Variants in ST6GALNAC5 observed in about 807,000 individuals in gnomAD.
ST6GALNAC5 encodes alpha-N-acetylgalactosaminide alpha-2,6-sialyltransferase 5.
ST6GALNAC5 carries 27 observed loss-of-function variants against 33.6 expected under a neutral mutation model. The ratio of observed to expected loss-of-function variants is 0.80; its 90% CI spans 0.59 to 1.11. ST6GALNAC5 has a LOEUF of 1.11. ST6GALNAC5 is among the 50% of genes least tolerant of loss of function. The pLI is 0.00. For synonymous variants in ST6GALNAC5, 194 were observed against 171.2 expected, an observed-to-expected ratio of 1.13 and a Z score of -1.04; for missense variants, 428 against 454.0, an observed-to-expected ratio of 0.94 and a Z score of 0.52.
At chr1:76,908,953 C>T (rs776461188) in intron 2 of ST6GALNAC5, among the ~76,000 whole-genome samples, 2 of 152,072 alleles carry the variant, frequency 1.3e-5, no homozygotes, top group Non-Finnish European at 1.5e-5. Flanking sequence ...AGTTTTATTT[C>T]CTAAGGAATT....
chr1:76,951,112 C>A (rs747470763), intron 2 of ST6GALNAC5, among the ~76,000 whole-genome samples: 5 of 152,070 alleles, frequency 3.3e-5, no homozygotes, highest in Middle Eastern at 3.2e-3. Context: ...CCTGTAAAGT[C>A]AACAGGGTTT....
chr1:76,995,200 C>A (rs1324108534), intron 2 of ST6GALNAC5, among the ~76,000 whole-genome samples: 3 of 152,100 alleles, frequency 2.0e-5, no homozygotes, highest in Non-Finnish European at 4.4e-5. Flanking sequence ...GAGTTCAAGA[C>A]CAGCTTGGGC....
chr1:76,971,947 TC>T (rs1648775294), intron 2 of ST6GALNAC5, among the ~76,000 whole-genome samples: 1 of 152,184 alleles, frequency 6.6e-6, no homozygotes, highest in African/African-American at 2.4e-5. Flanking sequence ...CCAGTTTCCA[TC>T]CCTCTCAACA....
intron 3 of ST6GALNAC5, among the ~76,000 whole-genome samples, chr1:77,048,053 G>T (rs1652075056): frequency 6.6e-6 from 1 of 152,168 alleles, no homozygotes; most frequent in South Asian, 2.1e-4. Flanking sequence ...GAAGTCTGGG[G>T]AATTTTAAGT....
At chr1:76,898,764 G>A (rs755437910) in intron 2 of ST6GALNAC5, among the ~76,000 whole-genome samples, 25 of 152,154 alleles carry the variant, frequency 1.6e-4, no homozygotes, top group Admixed American at 4.6e-4. Context: ...ACTGTAAACC[G>A]GACTGGGTGT....
chr1:77,055,699 C>G (rs1652373046), intron 4 of ST6GALNAC5, among the ~76,000 whole-genome samples: 6 of 152,278 alleles, frequency 3.9e-5, no homozygotes, highest in Admixed American at 3.9e-4. Context: ...TGAGTCAGAC[C>G]TACTGGGCCC....
intron 2 of ST6GALNAC5, among the ~76,000 whole-genome samples, chr1:77,015,495 G>T (rs1051301870): frequency 2.6e-5 from 4 of 152,166 alleles, no homozygotes; most frequent in Non-Finnish European, 4.4e-5. Context: ...AGGGCTCACA[G>T]TCCACCCATA....
chr1:76,949,208 G>T (rs1647645763), intron 2 of ST6GALNAC5, among the ~76,000 whole-genome samples: 1 of 152,124 alleles, frequency 6.6e-6, no homozygotes, highest in Admixed American at 6.5e-5. Flanking sequence ...ATACATTAAA[G>T]ACCAAAGCTT....
At chr1:77,060,797 T>C (rs199720) in intron 4 of ST6GALNAC5, among the ~76,000 whole-genome samples, 58,347 of 151,888 alleles carry the variant, frequency 0.38, 11,996 homozygotes, top group African/African-American at 0.53. Context: ...GAATCAATCT[T>C]ATGATATTTT....
chr1:76,940,736 A>G (rs1172583151), intron 2 of ST6GALNAC5, among the ~76,000 whole-genome samples: 1 of 152,084 alleles, frequency 6.6e-6, no homozygotes, highest in Non-Finnish European at 1.5e-5. Context: ...AATGACAGTA[A>G]GTAATATCCA....
At chr1:76,920,748 A>T (rs1008670053) in intron 2 of ST6GALNAC5, among the ~76,000 whole-genome samples, 1 of 152,194 alleles carries the variant, frequency 6.6e-6, no homozygotes, top group Admixed American at 6.5e-5. Context: ...ATAAGTAGAT[A>T]TGGCCAATCT....
At chr1:76,973,880 A>G (rs1648870662) in intron 2 of ST6GALNAC5, among the ~76,000 whole-genome samples, 1 of 143,650 alleles carries the variant, frequency 7.0e-6, no homozygotes, top group Non-Finnish European at 1.5e-5. Context: ...GTGCATTTAG[A>G]TATCTTTCCA....
rs570900045 is a variant in ST6GALNAC5, at chr1:77,066,079, A to G, written c.*2873A>G. Reference sequence around the variant, plus strand: ...ACATTAAAAGAACATTAGGAGGTAAATATTCAGCATGCTGCATGGAGACTT... The same window carrying G: ...ACATTAAAAGAACATTAGGAGGTAAGTATTCAGCATGCTGCATGGAGACTT... On this transcript the variant is annotated 3_prime_UTR_variant, in exon 5 of 5. Coordinates refer to ENST00000477717, the MANE Select transcript of ST6GALNAC5 (RefSeq NM_030965.3). Among the ~76,000 whole-genome samples, 1 of 152,290 alleles carries G rather than the reference A, an allele frequency of 6.6e-6. No homozygotes were observed. The highest frequency in any genetic ancestry group is 2.4e-5 in the African/African-American group (1 of 41,570).
intron 2 of ST6GALNAC5, among the ~76,000 whole-genome samples, chr1:77,033,039 G>A (rs1651516662): frequency 6.6e-6 from 1 of 152,160 alleles, no homozygotes; most frequent in Non-Finnish European, 1.5e-5. Flanking sequence ...GGGCCTTTAT[G>A]TCCAATCTCT....
At chr1:76,954,906 C>T (rs1647894684) in intron 2 of ST6GALNAC5, among the ~76,000 whole-genome samples, 1 of 152,064 alleles carries the variant, frequency 6.6e-6, no homozygotes, top group Non-Finnish European at 1.5e-5. Flanking sequence ...ATGGAGAGAA[C>T]TCCAAGAATC....
intron 2 of ST6GALNAC5, among the ~76,000 whole-genome samples, chr1:77,005,545 T>C (rs963393178): frequency 1.3e-5 from 2 of 152,246 alleles, no homozygotes; most frequent in African/African-American, 4.8e-5. Context: ...GATGGTAAAA[T>C]ATACATATTA....
chr1:77,046,331 A>T (rs1289286355), intron 3 of ST6GALNAC5, among the ~76,000 whole-genome samples: 8 of 152,252 alleles, frequency 5.3e-5, no homozygotes, highest in Admixed American at 4.6e-4. Context: ...CTAGCAGCTC[A>T]TTATTAGAGA....
At chr1:77,049,155 T>G (rs924106546) in intron 3 of ST6GALNAC5, among the ~76,000 whole-genome samples, 13 of 152,190 alleles carry the variant, frequency 8.5e-5, no homozygotes, top group African/African-American at 3.1e-4. Flanking sequence ...TTTTTTTTCT[T>G]TTTTGGTCCT....
intron 2 of ST6GALNAC5, among the ~76,000 whole-genome samples, chr1:76,889,141 T>C (rs1218701701): frequency 6.6e-6 from 1 of 152,128 alleles, no homozygotes; most frequent in Non-Finnish European, 1.5e-5. Context: ...CATTTATAAG[T>C]GATTTAATTA....
Sources: gnomAD v4.1 joint callset for allele counts (sites outside exome capture counted in the v4.1 genomes callset) on GRCh38, gnomAD v4.1.1 for gene constraint, MANE v1.5 for transcripts, NCBI Gene and HGNC (gene_info 2026-07-23, HGNC 2026-07-21) for gene names.